INSL6: variants seen among roughly 807,000 people sequenced by gnomAD.
The protein encoded by INSL6 is insulin-like peptide INSL6.
INSL6 carries 16 observed loss-of-function variants against 9.4 expected under a neutral mutation model. That is an observed-to-expected ratio of 1.70 (90% CI 1.15 to 2.59). INSL6 has a LOEUF of 2.59. Among genes scored for constraint, INSL6 ranks in the 30% most tolerant of loss-of-function variants. The probability of loss-of-function intolerance (pLI) is 0.00; values close to 1 mark genes in which losing one functional copy is unlikely to be tolerated. For synonymous variants in INSL6, 154 were observed against 96.9 expected (o/e 1.59, Z -3.46); for missense variants, 391 against 257.3 (o/e 1.52, Z -3.56).
chr9:5,041,855 C>A, the INSL6 span: 3 of 466,006 alleles, frequency 6.4e-6, no homozygotes, highest in Admixed American at 7.2e-5. Context: ...TGAACGCGGA[C>A]GACCCCATGG....
At chr9:5,125,973 ATT>A (rs905643737) in intron 3 of INSL6, 3 of 157,452 alleles carry the variant, frequency 1.9e-5, no homozygotes, top group African/African-American at 7.2e-5. Context: ...TTATTCATTC[ATT>A]TTTTCTTATA....
At chr9:5,050,170 G>T in the INSL6 span, among the ~76,000 whole-genome samples, 64 of 152,238 alleles carry the variant, frequency 4.2e-4, no homozygotes, top group Middle Eastern at 3.4e-3. Context: ...AATGAAATAG[G>T]TTGATGTTAT....
rs16922741 is a variant in INSL6, at chr9:5,181,301, C to A, written c.289+4013G>T. Among the ~76,000 whole-genome samples the A allele has an allele frequency of 7.1e-3, 1,086 of 152,000 alleles. 10 individuals are homozygous for A. The highest frequency in any genetic ancestry group is 0.025 in the African/African-American group (1,041 of 41,464). Reference sequence around the variant, plus strand: ...AGATAAATGACATCCTATAGAGTCACAGTATCAAAAATAGTAACGATAAAA... The same window carrying A: ...AGATAAATGACATCCTATAGAGTCAAAGTATCAAAAATAGTAACGATAAAA... On this transcript the variant is annotated intron_variant, in intron 1 of 1. Coordinates refer to ENST00000381641, the MANE Select transcript of INSL6 (RefSeq NM_007179.3).
the INSL6 span, chr9:5,055,868 T>G: frequency 7.8e-7 from 1 of 1,285,168 alleles, no homozygotes; most frequent in Non-Finnish European, 1.1e-6. Context: ...AGTACCAAAA[T>G]TATTTTCTGG....
chr9:5,126,533 G>A lies in INSL6; in HGVS notation c.*11-2022C>T. The stretch of plus-strand genomic sequence containing the variant: ...TTCAGTTCACTTCCTGAAATTTAAT[G>A]TGCGGAGCTTCCAGATAAACAGCAT... On this transcript the variant is annotated intron_variant, in intron 3 of 3. Coordinates refer to the INSL6 transcript ENST00000649639. 5.0e-6 allele frequency: 5 copies of A among 1,003,388 alleles called. 1 individual carries two copies. The South Asian group carries it at 5.9e-5, about 12-fold the overall frequency. The allele number at this position is 1,003,388 out of a possible 1,614,324, so 62.2% of individuals were successfully genotyped here. A position where few individuals can be genotyped will look rare whatever the true frequency, so the allele number is the denominator to read the frequency against.
intron 3 of INSL6, among the ~76,000 whole-genome samples, chr9:5,130,636 T>TA (rs1048985717): frequency 3.9e-5 from 6 of 152,278 alleles, no homozygotes; most frequent in Non-Finnish European, 7.4e-5. Context: ...TATTTAATAA[T>TA]AAAAAAGTTT....
At chr9:5,135,056 C>T (rs1203038490) in intron 2 of INSL6, among the ~76,000 whole-genome samples, 1 of 152,086 alleles carries the variant, frequency 6.6e-6, no homozygotes, top group Non-Finnish European at 1.5e-5. Context: ...ATAAAACAGA[C>T]TTTAAACCAA....
At chr9:5,026,689 C>T in the INSL6 span, among the ~76,000 whole-genome samples, 1 of 151,920 alleles carries the variant, frequency 6.6e-6, no homozygotes, top group South Asian at 2.1e-4. Context: ...TTTGAGTTCA[C>T]GTGATTGTTG....
At chr9:5,019,715 G>A in the INSL6 span, among the ~76,000 whole-genome samples, 4 of 152,106 alleles carry the variant, frequency 2.6e-5, no homozygotes, top group Non-Finnish European at 2.9e-5. Flanking sequence ...CTGAAGATTT[G>A]ACTGGGGTGT....
At chr9:5,019,114 A>G in the INSL6 span, among the ~76,000 whole-genome samples, 4 of 152,078 alleles carry the variant, frequency 2.6e-5, no homozygotes, top group African/African-American at 9.7e-5. Flanking sequence ...ATACTTGGGT[A>G]GTTTTCAGCT....
downstream of INSL6, among the ~76,000 whole-genome samples, chr9:5,162,756 A>T (rs1427504976): frequency 2.0e-5 from 3 of 152,250 alleles, no homozygotes; most frequent in East Asian, 5.8e-4. Context: ...CACAGATATA[A>T]GTGGAAAAGA....
rs796954469 is a variant in INSL6 at position 5,148,027 on chromosome 9, A to G, written c.377-14435T>C. On this transcript the variant is annotated intron_variant, in intron 2 of 3. Transcript: ENST00000649639. Reference sequence around the variant, plus strand: ...CCTTGCCATCCAGATTCTGAATTCCATATCTGCCATTTCAGACAATTCAGA... The same window carrying G: ...CCTTGCCATCCAGATTCTGAATTCCGTATCTGCCATTTCAGACAATTCAGA... 3.9e-5 allele frequency among the ~76,000 whole-genome samples: 6 copies of G among 152,222 alleles called. No individual in the cohort carries two copies. The South Asian group carries it at 6.2e-4, about 16-fold the overall frequency.
the INSL6 span, chr9:5,085,776 T>C: frequency 2.5e-5 from 19 of 754,384 alleles, no homozygotes; most frequent in Non-Finnish European, 4.0e-5. Flanking sequence ...GGAGTTATTA[T>C]GATGAATATT....
intron 2 of INSL6, among the ~76,000 whole-genome samples, chr9:5,147,022 G>T (rs565418985): frequency 6.6e-6 from 1 of 152,252 alleles, no homozygotes; most frequent in South Asian, 2.1e-4. Flanking sequence ...CAGAGACCAG[G>T]TCCAACAGTT....
the INSL6 span, among the ~76,000 whole-genome samples, chr9:4,998,404 G>A: frequency 2.0e-5 from 3 of 151,958 alleles, no homozygotes; most frequent in Admixed American, 6.6e-5. Flanking sequence ...TTATAGGCGC[G>A]CACCACCACG....
the INSL6 span, among the ~76,000 whole-genome samples, chr9:5,026,796 C>T: frequency 6.6e-6 from 1 of 152,088 alleles, no homozygotes; most frequent in Admixed American, 6.5e-5. Flanking sequence ...TTTAGGTATT[C>T]TCTTGGTTTT....
At chr9:5,059,209 C>T in the INSL6 span, among the ~76,000 whole-genome samples, 1 of 152,164 alleles carries the variant, frequency 6.6e-6, no homozygotes, top group Non-Finnish European at 1.5e-5. Context: ...AGAAGGTTTC[C>T]ACATGCATCT....
At chr9:5,144,462 G>A (rs1382677072) in intron 2 of INSL6, among the ~76,000 whole-genome samples, 1 of 152,154 alleles carries the variant, frequency 6.6e-6, no homozygotes, top group African/African-American at 2.4e-5. Flanking sequence ...GTGATGAGAT[G>A]AATGTATATT....
At chr9:5,157,545 T>C (rs982403427) in intron 2 of INSL6, among the ~76,000 whole-genome samples, 4 of 152,126 alleles carry the variant, frequency 2.6e-5, no homozygotes, top group Admixed American at 2.0e-4. Flanking sequence ...GACCCTGACT[T>C]CCATTTTCAC....
Sources: allele counts gnomAD v4.1 joint callset (sites outside exome capture counted in the v4.1 genomes callset), GRCh38; gene constraint gnomAD v4.1.1; transcripts MANE v1.5; gene names NCBI Gene and HGNC (gene_info 2026-07-23, HGNC 2026-07-21).